GPHN: variants seen among roughly 807,000 people sequenced by gnomAD.
The protein encoded by GPHN is gephyrin.
A neutral mutation model predicts 95.5 loss-of-function variants in GPHN; 17 were observed. The observed-to-expected ratio is 0.18, with a 90% CI of 0.12 to 0.27. The LOEUF (loss-of-function observed/expected upper bound fraction) is 0.27, where lower values mean the gene tolerates loss of function less well. GPHN is among the 10% of genes least tolerant of loss of function. The pLI is 1.00. For synonymous variants in GPHN, 320 were observed against 322.5 expected (o/e 0.99, Z 0.08); for missense variants, 660 against 978.1 (o/e 0.67, Z 4.34).
At chr14:67,349,010 AG>A in the GPHN span, 38 of 1,603,696 alleles carry the variant, frequency 2.4e-5, no homozygotes, top group Admixed American at 2.7e-4. Flanking sequence ...TTCTCCCCAA[AG>A]GGTTTCTAAA....
At chr14:67,083,076 A>G (rs1468853271) in intron 11 of GPHN, among the ~76,000 whole-genome samples, 1 of 152,234 alleles carries the variant, frequency 6.6e-6, no homozygotes, top group African/African-American at 2.4e-5. Context: ...AGACATTTTG[A>G]GTAAGACCTA....
Position 67,040,155 on chromosome 14 carries a change from A to G in GPHN, c.1006+16480A>G, listed in dbSNP as rs547257755. Among the ~76,000 whole-genome samples, 5 of 152,288 alleles carry G rather than the reference A, an allele frequency of 3.3e-5. No homozygotes were observed. The South Asian group carries it at 6.2e-4, about 19-fold the overall frequency. On this transcript the variant is annotated intron_variant, in intron 10 of 22. Transcript: ENST00000478722. ...TTTCAGAAAGGAGAGACTATTGATG[A>G]AAGTGATTTTTGAAATTTTGAAATA... is the stretch of plus-strand genomic sequence containing the variant.
chr14:67,706,469 G>C, the GPHN span, among the ~76,000 whole-genome samples: 13 of 152,158 alleles, frequency 8.5e-5, no homozygotes, highest in Admixed American at 1.3e-4. Context: ...AGGGAGACAC[G>C]GGACATCAAT....
the GPHN span, among the ~76,000 whole-genome samples, chr14:67,399,658 AG>A: frequency 2.6e-4 from 38 of 147,224 alleles, no homozygotes; most frequent in Middle Eastern, 3.4e-3. Flanking sequence ...CTCAGGTGGC[AG>A]GAATAAAGAG....
chr14:67,427,340 CGGGCAGGGAA>C, the GPHN span, among the ~76,000 whole-genome samples: 3 of 152,186 alleles, frequency 2.0e-5, no homozygotes, highest in Admixed American at 6.5e-5. Flanking sequence ...GAGAAGGTCT[CGGGCAGGGAA>C]GGGCCCTTGG....
intron 8 of GPHN, among the ~76,000 whole-genome samples, chr14:66,938,149 T>C (rs987462319): frequency 1.3e-5 from 2 of 152,198 alleles, no homozygotes; most frequent in Admixed American, 6.5e-5. Context: ...CACAATCAGT[T>C]TGTACAATTA....
chr14:67,199,251 A>C, the GPHN span: 1 of 1,599,342 alleles, frequency 6.3e-7, no homozygotes, highest in Non-Finnish European at 8.6e-7. Flanking sequence ...TTCTTGAGTG[A>C]GGATGATGCT....
At chr14:66,517,955 T>C (rs1275735848) in intron 1 of GPHN, among the ~76,000 whole-genome samples, 3 of 151,744 alleles carry the variant, frequency 2.0e-5, no homozygotes, top group African/African-American at 7.3e-5. Flanking sequence ...TATAGTAAAC[T>C]AAAAAGCTTT....
chr14:67,379,677 C>T, the GPHN span, among the ~76,000 whole-genome samples: 8 of 91,904 alleles, frequency 8.7e-5, no homozygotes, highest in Middle Eastern at 5.9e-3. Flanking sequence ...TTTTTTGAGA[C>T]GGAGTCTCGC....
At chr14:66,717,156 A>G (rs2070260461) in intron 2 of GPHN, among the ~76,000 whole-genome samples, 1 of 152,226 alleles carries the variant, frequency 6.6e-6, no homozygotes, top group South Asian at 2.1e-4. Flanking sequence ...GTCGTTGAGC[A>G]TAATCCCAGA....
the GPHN span, among the ~76,000 whole-genome samples, chr14:67,232,886 A>G: frequency 6.6e-6 from 1 of 152,198 alleles, no homozygotes; most frequent in East Asian, 1.9e-4. Flanking sequence ...CCCAGAGGCC[A>G]TGAGGCCTGA....
At chr14:67,296,396 C>A in the GPHN span, among the ~76,000 whole-genome samples, 1 of 151,650 alleles carries the variant, frequency 6.6e-6, no homozygotes, top group Non-Finnish European at 1.5e-5. Flanking sequence ...GTCAGGAGAT[C>A]GAGACCATCC....
chr14:67,593,888 A>T, the GPHN span: 1 of 1,613,468 alleles, frequency 6.2e-7, no homozygotes. Flanking sequence ...AATCTTCACA[A>T]AATGGAGATA....
chr14:67,340,380 A>G, the GPHN span: 1 of 1,432,888 alleles, frequency 7.0e-7, no homozygotes, highest in African/African-American at 1.4e-5. Flanking sequence ...TCATTCAGCA[A>G]ATACAGCCTT....
chr14:67,091,910 A>G (rs10130606), intron 12 of GPHN, among the ~76,000 whole-genome samples: 10,201 of 152,024 alleles, frequency 0.067, 810 homozygotes, highest in African/African-American at 0.19. Context: ...GAGATTATCT[A>G]CCGTGAAGCT....
At chr14:67,028,353 G>C (rs1471340932) in intron 10 of GPHN, among the ~76,000 whole-genome samples, 1 of 152,188 alleles carries the variant, frequency 6.6e-6, no homozygotes, top group Admixed American at 6.5e-5. Context: ...CTTTTGATAT[G>C]CTGATTTCCT....
At chr14:66,953,954 G>T (rs1202799443) in intron 8 of GPHN, among the ~76,000 whole-genome samples, 1 of 151,164 alleles carries the variant, frequency 6.6e-6, no homozygotes, top group Admixed American at 6.6e-5. Context: ...AGAATCACTT[G>T]AACCCAGGAG....
chr14:66,821,864 G>T (rs1168811163), intron 3 of GPHN, among the ~76,000 whole-genome samples: 4 of 152,176 alleles, frequency 2.6e-5, no homozygotes, highest in Non-Finnish European at 5.9e-5. Flanking sequence ...TGTTATTCAA[G>T]TGAAAGAAAT....
At chr14:67,330,024 A>G in the GPHN span, among the ~76,000 whole-genome samples, 31 of 151,050 alleles carry the variant, frequency 2.1e-4, no homozygotes, top group African/African-American at 7.3e-4. Flanking sequence ...TCTTGTATGT[A>G]TTGTTAAAGT....
Sources: gnomAD v4.1 joint callset for allele counts (sites outside exome capture counted in the v4.1 genomes callset) on GRCh38, gnomAD v4.1.1 for gene constraint, MANE v1.5 for transcripts, NCBI Gene and HGNC (gene_info 2026-07-23, HGNC 2026-07-21) for gene names.